CCDC178: variants seen among roughly 807,000 people sequenced by gnomAD.
CCDC178 encodes coiled-coil domain containing 178.
A neutral mutation model predicts 117.4 loss-of-function variants in CCDC178; 126 were observed. The ratio of observed to expected loss-of-function variants is 1.07; its 90% CI spans 0.93 to 1.24. CCDC178 has a LOEUF of 1.24. CCDC178 is among the 50% of genes most tolerant of loss of function. CCDC178 has a pLI of 0.00. For missense variants in CCDC178, 1,030 were observed against 986.9 expected (o/e 1.04, Z -0.59); for synonymous variants, 283 against 313.4 (o/e 0.90, Z 1.02).
intron 12 of CCDC178, among the ~76,000 whole-genome samples, chr18:33,272,828 A>G (rs2059905621): frequency 2.6e-5 from 4 of 151,594 alleles, no homozygotes; most frequent in Admixed American, 2.6e-4. Flanking sequence ...TAGAAAAATC[A>G]TTTGAAATAT....
intron 20 of CCDC178, among the ~76,000 whole-genome samples, chr18:33,194,401 C>T (rs2058899994): frequency 1.3e-5 from 2 of 152,016 alleles, no homozygotes; most frequent in Admixed American, 6.6e-5. Context: ...ACATGTGGTG[C>T]CTGAGCACCA....
intron 12 of CCDC178, among the ~76,000 whole-genome samples, chr18:33,270,864 A>G (rs929941661): frequency 4.6e-5 from 7 of 151,586 alleles, no homozygotes; most frequent in Admixed American, 3.3e-4. Flanking sequence ...ACTCTTCTTC[A>G]TTGCCTAATT....
intron 22 of CCDC178, among the ~76,000 whole-genome samples, chr18:32,945,212 T>G (rs1051742857): frequency 3.9e-5 from 6 of 152,210 alleles, no homozygotes; most frequent in African/African-American, 1.2e-4. Flanking sequence ...TAAGGATACT[T>G]AGACCTCATT....
At chr18:33,017,677 G>A (rs997712918) in intron 21 of CCDC178, among the ~76,000 whole-genome samples, 1 of 151,928 alleles carries the variant, frequency 6.6e-6, no homozygotes, top group African/African-American at 2.4e-5. Flanking sequence ...CACACTTCTG[G>A]ATTTCAAAAC....
In CCDC178 at chr18:33,333,319, A is replaced by T. The variant is rs754934571; in HGVS notation, c.734T>A (p.Phe245Tyr). The T allele has an allele frequency of 6.2e-7, 1 of 1,612,816 alleles. No homozygotes were observed. Among genetic ancestry groups the T allele is most frequent in the South Asian group, 1.1e-5 (1 of 91,038 alleles). Residue 245 changes from phenylalanine (F) to tyrosine (Y), a missense_variant, in exon 10 of 23, where the codon TTT becomes TAT. Coordinates refer to ENST00000383096, the MANE Select transcript of CCDC178 (RefSeq NM_001105528.4). ...TTCTAACTCTGTCTTTTGTTTTTCA[A>T]AATGTTGTAGTTGATTAGCTTTATC... ...LEDKANQLQHFEKQKTELEEA... is the reference protein window; with the variant it reads ...LEDKANQLQHYEKQKTELEEA...
intron 15 of CCDC178, among the ~76,000 whole-genome samples, chr18:33,243,115 T>C (rs952693348): frequency 6.6e-6 from 1 of 151,992 alleles, no homozygotes; most frequent in South Asian, 2.1e-4. Flanking sequence ...TGGATGGAAC[T>C]GGAGGACATT....
chr18:33,424,085 C>G (rs2064076583), intron 2 of CCDC178, among the ~76,000 whole-genome samples: 1 of 152,112 alleles, frequency 6.6e-6, no homozygotes, highest in Non-Finnish European at 1.5e-5. Context: ...ATTTTTCCCT[C>G]CTTTATCTTT....
At chr18:33,305,001 C>T (rs1189779865) in intron 11 of CCDC178, among the ~76,000 whole-genome samples, 2 of 152,262 alleles carry the variant, frequency 1.3e-5, no homozygotes, top group East Asian at 3.9e-4. Context: ...AGCCTTGCTC[C>T]TTCTTATCAG....
intron 14 of CCDC178, among the ~76,000 whole-genome samples, chr18:33,261,502 T>C (rs2059750457): frequency 6.6e-6 from 1 of 152,232 alleles, no homozygotes; most frequent in Non-Finnish European, 1.5e-5. Flanking sequence ...AGACACCTTC[T>C]TGCTAGATTC....
chr18:33,386,439 C>T (rs2144811045), intron 5 of CCDC178, among the ~76,000 whole-genome samples: 1 of 152,140 alleles, frequency 6.6e-6, no homozygotes, highest in Non-Finnish European at 1.5e-5. Context: ...AACTTCAGGC[C>T]AATAGCCCTA....
intron 15 of CCDC178, among the ~76,000 whole-genome samples, chr18:33,227,435 A>C (rs1743647281): frequency 6.6e-6 from 1 of 151,504 alleles, no homozygotes; most frequent in Non-Finnish European, 1.5e-5. Context: ...GTAGTTCATA[A>C]AGTTCCTTCT....
At chr18:33,143,027 T>C (rs1598926305) in intron 20 of CCDC178, among the ~76,000 whole-genome samples, 1 of 152,190 alleles carries the variant, frequency 6.6e-6, no homozygotes, top group East Asian at 1.9e-4. Flanking sequence ...ACTATATGCT[T>C]CCACGGGTTA....
chr18:33,353,330 T>C (rs1334390492), intron 7 of CCDC178, among the ~76,000 whole-genome samples: 4 of 152,152 alleles, frequency 2.6e-5, no homozygotes, highest in Admixed American at 2.6e-4. Flanking sequence ...ACAGAATAGT[T>C]GGATTATCTA....
chr18:33,098,386 T>C (rs1199418397), intron 20 of CCDC178, among the ~76,000 whole-genome samples: 1 of 152,036 alleles, frequency 6.6e-6, no homozygotes, highest in Admixed American at 6.6e-5. Context: ...CTTTCAATTA[T>C]GTATTGTAAG....
chr18:33,333,372 A>T lies in CCDC178; in HGVS notation c.681T>A (p.Asp227Glu), dbSNP rs1480441271. 4 of 1,605,564 alleles carry T rather than the reference A, an allele frequency of 2.5e-6. No homozygotes were observed. The highest frequency in any genetic ancestry group is 2.0e-4 in the Middle Eastern group (1 of 5,072). Residue 227 changes from aspartate to glutamate, a missense_variant, in exon 10 of 23, where the codon GAT becomes GAA. Asp to Glu is a conservative substitution (Grantham distance 45, BLOSUM62 2). Coordinates refer to ENST00000383096, the MANE Select transcript of CCDC178 (RefSeq NM_001105528.4). ...CAAGATGCCATTGTAATTCTATAAC[A>T]TCACTCAAATAGGCCTCATGTTCTA... is the stretch of plus-strand genomic sequence containing the variant. The part of the protein sequence containing the change: ...VQKEHEAYLS[D>E]VIELQWHLED...
intron 20 of CCDC178, among the ~76,000 whole-genome samples, chr18:33,172,503 CATTTAT>C (rs763239558): frequency 3.3e-5 from 5 of 151,848 alleles, no homozygotes; most frequent in Non-Finnish European, 7.4e-5. Context: ...TATGTTTATA[CATTTAT>C]ATTTATAATT....
At position 33,377,195 on chromosome 18, in the gene CCDC178, T is replaced by C. The variant is rs566590400; in HGVS notation, c.209-7006A>G. ...GTGGTTTTCATTTGCATTTCTCTAATGATTAGTGATGTTGAACATTTTTTC... is the reference window on the plus strand; with the variant it reads ...GTGGTTTTCATTTGCATTTCTCTAACGATTAGTGATGTTGAACATTTTTTC... On this transcript the variant is annotated intron_variant, in intron 5 of 22. Coordinates refer to ENST00000383096, the MANE Select transcript of CCDC178 (RefSeq NM_001105528.4). Among the ~76,000 whole-genome samples, 7 of 152,328 alleles carry C rather than the reference T, an allele frequency of 4.6e-5. No homozygotes were observed. The South Asian group carries it at 1.2e-3, about 27-fold the overall frequency.
chr18:33,047,371 G>T (rs1377216026), intron 21 of CCDC178, among the ~76,000 whole-genome samples: 1 of 152,084 alleles, frequency 6.6e-6, no homozygotes, highest in Non-Finnish European at 1.5e-5. Context: ...TTACAAAGTG[G>T]TAGCCTATTT....
At chr18:32,964,380 A>G (rs2054768185) in intron 22 of CCDC178, among the ~76,000 whole-genome samples, 1 of 152,048 alleles carries the variant, frequency 6.6e-6, no homozygotes, top group South Asian at 2.1e-4. Flanking sequence ...TTATATGACT[A>G]GAGGTGTTGT....
Sources: allele counts gnomAD v4.1 joint callset (sites outside exome capture counted in the v4.1 genomes callset), GRCh38; gene constraint gnomAD v4.1.1; transcripts MANE v1.5; gene names NCBI Gene and HGNC (gene_info 2026-07-23, HGNC 2026-07-21).